Variants in NLRP13 observed in about 807,000 individuals in gnomAD.
NLRP13 encodes the protein NACHT, LRR and PYD domains-containing protein 13.
Under a neutral mutation model 94.4 loss-of-function variants are expected in NLRP13, and 82 were observed. That is an observed-to-expected ratio of 0.87 (90% confidence interval 0.73 to 1.04). The LOEUF (loss-of-function observed/expected upper bound fraction) is 1.04. Among genes scored for constraint, NLRP13 ranks in the 50% least tolerant of loss-of-function variants. The pLI is 0.00. For missense variants in NLRP13, 1,426 were observed against 1,230.8 expected (o/e 1.16, Z -2.37); for synonymous variants, 553 against 464.7 (o/e 1.19, Z -2.45).
At position 55,902,146 on chromosome 19, in the gene NLRP13, T is replaced by C; in HGVS notation, c.2678A>G (p.Gln893Arg). ...ACKHLSDALL[Q>R]NRSLTHLNLS... ...ATTCAGGTGTGTCAGGCTCCTGTTCTGCAGGAGAGCATCTGACAAGTGCTT... is the reference window on the plus strand; with the variant it reads ...ATTCAGGTGTGTCAGGCTCCTGTTCCGCAGGAGAGCATCTGACAAGTGCTT... Residue 893 changes from glutamine (Q) to arginine (R), a missense_variant, in exon 9 of 11, where the codon CAG (glutamine) becomes CGG (arginine). By Grantham distance (43) the Gln-to-Arg change is conservative. Coordinates refer to ENST00000342929, the MANE Select transcript of NLRP13 (RefSeq NM_176810.2). The C allele has an allele frequency of 6.2e-7, 1 of 1,614,048 alleles. No homozygotes were observed. Among genetic ancestry groups the C allele is most frequent in the Non-Finnish European group, 8.5e-7 (1 of 1,179,952 alleles).
chr19:55,916,871 CA>C (rs139453647), intron 4 of NLRP13, among the ~76,000 whole-genome samples: 4,201 of 151,232 alleles, frequency 0.028, 189 homozygotes, highest in African/African-American at 0.092. Flanking sequence ...TAATGAACTC[CA>C]AAAAAAATGC....
At chr19:55,897,878 TG>T (rs899913425) in intron 10 of NLRP13, among the ~76,000 whole-genome samples, 2 of 152,210 alleles carry the variant, frequency 1.3e-5, no homozygotes, top group Non-Finnish European at 2.9e-5. Context: ...ACACTGTTTC[TG>T]AAAACATCAC....
intron 9 of NLRP13, among the ~76,000 whole-genome samples, chr19:55,900,499 C>T (rs1413156621): frequency 1.1e-4 from 17 of 151,996 alleles, no homozygotes; most frequent in South Asian, 2.1e-4. Flanking sequence ...AGGCCAGGCG[C>T]GGTGGCTCAC....
chr19:55,920,725 C>G (rs991977891), intron 4 of NLRP13, among the ~76,000 whole-genome samples: 1 of 151,886 alleles, frequency 6.6e-6, no homozygotes, highest in Non-Finnish European at 1.5e-5. Context: ...ATAGAACTAC[C>G]ATTTGATCAA....
intron 10 of NLRP13, among the ~76,000 whole-genome samples, chr19:55,896,681 G>T (rs528372875): frequency 2.0e-5 from 3 of 151,398 alleles, no homozygotes; most frequent in African/African-American, 4.9e-5. Context: ...TTAGCCAGGC[G>T]TGGTGGTGGG....
Position 55,912,411 on chromosome 19 carries a change from A to G in NLRP13, c.1406T>C (p.Val469Ala). The change falls in exon 5 of 11, where the codon GTA (valine) becomes GCA (alanine). Residue 469 changes from valine (V) to alanine (A), a missense_variant. By Grantham distance (64) the Val-to-Ala change is moderately conservative. Coordinates refer to ENST00000342929, the MANE Select transcript of NLRP13 (RefSeq NM_176810.2). ...FFSNLFSTAE[V>A]DLADDSWPGQ... ...TGGCCAGCTGTCATCTGCCAAATCT[A>G]CCTCTGCTGTGGAGAACAAGTTGGA... is the stretch of plus-strand genomic sequence containing the variant. 1 of 1,613,986 alleles carries G rather than the reference A, an allele frequency of 6.2e-7. No homozygotes were observed. Among genetic ancestry groups the G allele is most frequent in the South Asian group, 1.1e-5 (1 of 91,080 alleles).
rs1173609846 is a variant in NLRP13 at position 55,910,640 on chromosome 19, G to A, written c.2205C>T (p.Asn735=). 28 of 1,613,728 alleles carry A rather than the reference G, an allele frequency of 1.7e-5. No individual in the cohort carries two copies. Among genetic ancestry groups the A allele is most frequent in the Non-Finnish European group, 2.3e-5 (27 of 1,179,788 alleles). ...NENLHELDLS[N]SKLHASSVKG... Reference sequence around the variant, plus strand: ...TCACAGAGGAAGCATGAAGTTTGCTGTTACTCAGGTCTAGCTCATGCAGAT... The same window carrying A: ...TCACAGAGGAAGCATGAAGTTTGCTATTACTCAGGTCTAGCTCATGCAGAT... Residue 735 remains asparagine (N), a synonymous_variant, in exon 6 of 11, where the codon AAC becomes AAT. Coordinates refer to ENST00000342929, the MANE Select transcript of NLRP13 (RefSeq NM_176810.2).
At chr19:55,930,873 A>ATT (rs1555751052) in intron 1 of NLRP13, among the ~76,000 whole-genome samples, 12,099 of 90,604 alleles carry the variant, frequency 0.13, 1,042 homozygotes, top group African/African-American at 0.25. Context: ...AGAATCAGTG[A>ATT]TTATATATAT....
chr19:55,891,804 CCAGA>C (rs1215577356), downstream of NLRP13: 4 of 338,202 alleles, frequency 1.2e-5, no homozygotes, highest in African/African-American at 2.1e-5. Flanking sequence ...GATCTTGGTA[CCAGA>C]CACAGTATTA....
At chr19:55,893,628 G>A (rs1403038473), downstream of NLRP13, among the ~76,000 whole-genome samples, 1 of 152,150 alleles carries the variant, frequency 6.6e-6, no homozygotes, top group African/African-American at 2.4e-5. Context: ...TAGAGGATGA[G>A]AAAACCATGG....
At position 55,905,087 on chromosome 19, in the gene NLRP13, C is replaced by T. The variant is rs1221817206; in HGVS notation, c.2473G>A (p.Ala825Thr). 8 of 1,613,646 alleles carry T rather than the reference C, an allele frequency of 5.0e-6. No homozygotes were observed. Among genetic ancestry groups the T allele is most frequent in the Non-Finnish European group, 6.8e-6 (8 of 1,179,914 alleles). ...LCLEKCNLSA[A>T]SCQDLALFLT... is the part of the protein sequence containing the mutation. ...AACAAGGCTAGGTCCTGACAGCTGGCTGCCGACAAGTTGCATTTCTCCAGG... is the reference window on the plus strand; with the variant it reads ...AACAAGGCTAGGTCCTGACAGCTGGTTGCCGACAAGTTGCATTTCTCCAGG... The change falls in exon 8 of 11, where the codon GCC becomes ACC. Residue 825 changes from alanine (A) to threonine (T), a missense_variant. Transcript: ENST00000342929.
intron 8 of NLRP13, among the ~76,000 whole-genome samples, chr19:55,903,750 C>T (rs1376682667): frequency 6.6e-6 from 1 of 152,090 alleles, no homozygotes; most frequent in Non-Finnish European, 1.5e-5. Context: ...CACCTCGAAT[C>T]CATTGGCAAA....
At chr19:55,892,445 G>T (rs187336952), downstream of NLRP13, among the ~76,000 whole-genome samples, 1 of 151,920 alleles carries the variant, frequency 6.6e-6, no homozygotes, top group Admixed American at 6.6e-5. Context: ...TGTTTGAGAC[G>T]CAGTGTCACT....
intron 7 of NLRP13, among the ~76,000 whole-genome samples, chr19:55,906,284 G>A (rs563476346): frequency 7.5e-6 from 1 of 132,610 alleles, no homozygotes; most frequent in African/African-American, 2.9e-5. Context: ...GTTACAGTGA[G>A]CCGAGATCGT....
At chr19:55,897,864 C>G (rs922013157) in intron 10 of NLRP13, among the ~76,000 whole-genome samples, 3 of 152,108 alleles carry the variant, frequency 2.0e-5, no homozygotes, top group Admixed American at 6.5e-5. Context: ...ACTAACAAAT[C>G]CTAACACTGT....
At chr19:55,917,189 G>C (rs1986695215) in intron 4 of NLRP13, among the ~76,000 whole-genome samples, 1 of 152,090 alleles carries the variant, frequency 6.6e-6, no homozygotes, top group Admixed American at 6.5e-5. Context: ...GTCACTACTA[G>C]ACTTGTACTA....
At chr19:55,897,659 G>A (rs1247758316) in intron 10 of NLRP13, among the ~76,000 whole-genome samples, 1 of 151,962 alleles carries the variant, frequency 6.6e-6, no homozygotes, top group Non-Finnish European at 1.5e-5. Context: ...CTTAAATTTG[G>A]CACTGCAGAT....
chr19:55,898,608 G>A (rs538151617), intron 10 of NLRP13, among the ~76,000 whole-genome samples, 162 bp downstream of exon 10: 2 of 152,306 alleles, frequency 1.3e-5, no homozygotes, highest in South Asian at 2.1e-4. Flanking sequence ...GCCTCCCAAA[G>A]TGCTGGGGTT....
chr19:55,923,300 T>C (rs2123141289), intron 4 of NLRP13, among the ~76,000 whole-genome samples: 1 of 152,256 alleles, frequency 6.6e-6, no homozygotes, highest in East Asian at 1.9e-4. Flanking sequence ...GGAGAAGTTG[T>C]AGGAAAAATG....
Sources: gnomAD v4.1 joint callset for allele counts (sites outside exome capture counted in the v4.1 genomes callset) on GRCh38, gnomAD v4.1.1 for gene constraint, MANE v1.5 for transcripts, NCBI Gene and HGNC (gene_info 2026-07-23, HGNC 2026-07-21) for gene names.